Variants in ITPRID1 observed in about 807,000 individuals in gnomAD.
ITPRID1 encodes the protein protein ITPRID1.
In ITPRID1, 96 loss-of-function variants were observed where a neutral mutation model predicts 95.4. The ratio of observed to expected loss-of-function variants is 1.01; its 90% confidence interval spans 0.85 to 1.19. The LOEUF (loss-of-function observed/expected upper bound fraction) is 1.19, where lower values mean the gene tolerates loss of function less well. Among genes scored for constraint, ITPRID1 ranks in the 50% most tolerant of loss-of-function variants. The pLI is 0.00. For synonymous variants in ITPRID1, 510 were observed against 453.6 expected (o/e 1.12, Z -1.58); for missense variants, 1,339 against 1,252.9 (o/e 1.07, Z -1.04).
At position 31,617,668 on chromosome 7, in the gene ITPRID1, G is replaced by A. The variant is rs993483111; in HGVS notation, c.1229-24508G>A. On this transcript the variant is annotated intron_variant, in intron 10 of 14. Coordinates refer to ENST00000615280, the MANE Select transcript of ITPRID1 (RefSeq NM_001257967.3). ...TCTTTTAAAGGAAAAAAAAACCCAC[G>A]ATACTCTTGTCATTTTCTGATTTAT... Among the ~76,000 whole-genome samples the A allele has an allele frequency of 4.6e-5, 7 of 151,524 alleles. No individual in the cohort carries two copies. In the East Asian group the frequency reaches 5.8e-4, roughly 13 times the overall value.
intron 10 of ITPRID1, among the ~76,000 whole-genome samples, chr7:31,617,715 C>G (rs1787397043): frequency 6.6e-6 from 1 of 152,028 alleles, no homozygotes; most frequent in African/African-American, 2.4e-5. Flanking sequence ...CTCCGACCCC[C>G]ACAGTACTTT....
chr7:31,589,539 T>C (rs1785773262), intron 10 of ITPRID1, among the ~76,000 whole-genome samples: 1 of 152,032 alleles, frequency 6.6e-6, no homozygotes, highest in African/African-American at 2.4e-5. Context: ...ACCACCTAAA[T>C]AATACCAGGA....
chr7:31,599,668 C>T lies in ITPRID1; in HGVS notation c.1228+16477C>T, dbSNP rs1426029796. 1.3e-3 allele frequency among the ~76,000 whole-genome samples: 149 copies of T among 113,814 alleles called. 5 individuals are homozygous for T. Among genetic ancestry groups the T allele is most frequent in the African/African-American group, 2.7e-3 (88 of 32,570 alleles). The allele number at this position is 113,814 out of a possible 152,430, so 74.7% of individuals were successfully genotyped here. ...TTCTTTTTCTTTCTTTCCTTTCTCT[C>T]TCTCTCTCTCTCTCTCTCTCTCTCT... is the stretch of plus-strand genomic sequence containing the variant. On this transcript the variant is annotated intron_variant, in intron 10 of 14. Coordinates refer to ENST00000615280, the MANE Select transcript of ITPRID1 (RefSeq NM_001257967.3).
At chr7:31,566,795 G>A (rs1287802875) in intron 5 of ITPRID1, among the ~76,000 whole-genome samples, 4 of 152,110 alleles carry the variant, frequency 2.6e-5, no homozygotes, top group South Asian at 2.1e-4. Context: ...GGTTTTATGC[G>A]TTTCAGAAGC....
chr7:31,530,485 T>C (rs1243902813), intron 1 of ITPRID1, among the ~76,000 whole-genome samples: 1 of 152,174 alleles, frequency 6.6e-6, no homozygotes, highest in African/African-American at 2.4e-5. Flanking sequence ...GGGGTATAAG[T>C]ATATCCCAAA....
At chr7:31,577,232 G>A (rs777367092) in intron 8 of ITPRID1, among the ~76,000 whole-genome samples, 3 of 152,146 alleles carry the variant, frequency 2.0e-5, no homozygotes, top group Non-Finnish European at 4.4e-5. Context: ...TTGCTTTAGT[G>A]CTCATGACAG....
rs189515359 is a variant in ITPRID1 at position 31,655,779 on chromosome 7, C to T, written c.*2950C>T. On this transcript the variant is annotated 3_prime_UTR_variant, in exon 15 of 15. Transcript: ENST00000615280. ...AACTCCTAAGCTTTTTACTCTTTAC[C>T]CAGGTTGGGCTTTTGACCTCCCCTT... The T allele has an allele frequency of 6.8e-4, 670 of 985,634 alleles. 2 individuals carry two copies. In the African/African-American group the frequency reaches 0.011, roughly 16 times the overall value. 61.1% of individuals were successfully genotyped at this position (985,634 alleles called of 1,614,324 possible).
chr7:31,519,614 C>CTATATATATATATATA (rs1396946575), intron 1 of ITPRID1, among the ~76,000 whole-genome samples: 6 of 43,170 alleles, frequency 1.4e-4, no homozygotes, highest in South Asian at 1.2e-3. Flanking sequence ...CTCTCTCTCT[C>CTATATATATATATATA]TCTCTCTATA....
chr7:31,625,003 T>C (rs921677864), intron 10 of ITPRID1, among the ~76,000 whole-genome samples: 25 of 152,042 alleles, frequency 1.6e-4, no homozygotes, highest in African/African-American at 5.6e-4. Context: ...ATTTATGCAG[T>C]CAAAAAACAC....
chr7:31,608,005 GATCA>G, intron 10 of ITPRID1, among the ~76,000 whole-genome samples: 1 of 151,860 alleles, frequency 6.6e-6, no homozygotes, highest in African/African-American at 2.4e-5. Flanking sequence ...TCTTTGAAAA[GATCA>G]ATGATAGTTT....
chr7:31,535,253 A>C (rs1424185260), intron 1 of ITPRID1, among the ~76,000 whole-genome samples: 1 of 152,036 alleles, frequency 6.6e-6, no homozygotes, highest in East Asian at 1.9e-4. Context: ...CAATGTAAAA[A>C]CTTTCTAATG....
chr7:31,543,550 G>A (rs967850769), intron 1 of ITPRID1, among the ~76,000 whole-genome samples: 1 of 151,896 alleles, frequency 6.6e-6, no homozygotes, highest in Non-Finnish European at 1.5e-5. Context: ...GTCTTCATAT[G>A]CGTATTTTCC....
intron 14 of ITPRID1, 55 bp from the exon 15 acceptor site, chr7:31,652,463 G>A (rs1043792808): frequency 1.3e-6 from 2 of 1,518,650 alleles, no homozygotes; most frequent in Non-Finnish European, 1.8e-6. Flanking sequence ...TGAGTAAGCT[G>A]TTTGGTGCCA....
downstream of ITPRID1, among the ~76,000 whole-genome samples, chr7:31,657,396 T>G (rs919444020): frequency 8.5e-5 from 13 of 152,226 alleles, no homozygotes; most frequent in Admixed American, 1.3e-4. Flanking sequence ...AGAAATTTAT[T>G]TTTTAAATAA....
At chr7:31,521,689 C>CCTT in intron 1 of ITPRID1, among the ~76,000 whole-genome samples, 2 of 111,292 alleles carry the variant, frequency 1.8e-5, no homozygotes, top group African/African-American at 6.8e-5. Flanking sequence ...CTTCCTTCCT[C>CCTT]CTTTATTCCC....
At chr7:31,627,317 A>G (rs1304979193) in intron 10 of ITPRID1, among the ~76,000 whole-genome samples, 2 of 152,218 alleles carry the variant, frequency 1.3e-5, no homozygotes, top group Non-Finnish European at 2.9e-5. Context: ...GGGGATGCAA[A>G]CAAAAAAGAG....
At chr7:31,628,141 A>G (rs1287265283) in intron 10 of ITPRID1, among the ~76,000 whole-genome samples, 1 of 152,214 alleles carries the variant, frequency 6.6e-6, no homozygotes, top group Non-Finnish European at 1.5e-5. Flanking sequence ...ACAATAAAGG[A>G]CGGCAGCCAT....
intron 12 of ITPRID1, 82 bp from the exon 13 acceptor site, chr7:31,651,060 T>C: frequency 6.7e-7 from 1 of 1,489,676 alleles, no homozygotes; most frequent in Non-Finnish European, 9.0e-7. Context: ...GGATCCCAAA[T>C]GGGAAGACAG....
chr7:31,655,684 A>G lies in ITPRID1; in HGVS notation c.*2855A>G. On this transcript the variant is annotated 3_prime_UTR_variant, in exon 15 of 15. Transcript: ENST00000615280. ...ACATCCCCATCTTGGCTCCTATATC[A>G]TGGCTCAGCTCCCAGCCAAATTGAC... 1.0e-6 allele frequency: 1 copy of G among 971,924 alleles called. No individual in the cohort carries two copies. The highest frequency in any genetic ancestry group is 1.1e-4 in the East Asian group (1 of 8,716). 60.2% of individuals were successfully genotyped at this position (971,924 alleles called of 1,614,324 possible).
Sources: allele counts gnomAD v4.1 joint callset (sites outside exome capture counted in the v4.1 genomes callset), GRCh38; gene constraint gnomAD v4.1.1; transcripts MANE v1.5; gene names NCBI Gene and HGNC (gene_info 2026-07-23, HGNC 2026-07-21).